Variants in FHL2 observed in about 807,000 individuals in gnomAD.
FHL2 encodes four and a half LIM domains 2.
In FHL2, 20 loss-of-function variants were observed where a neutral mutation model predicts 32.7. The observed-to-expected ratio is 0.61, with a 90% CI of 0.43 to 0.89. FHL2 has a LOEUF of 0.89. FHL2 is among the 40% of genes least tolerant of loss of function. FHL2 has a pLI of 0.00. For missense variants in FHL2, 311 were observed against 358.6 expected (o/e 0.87, Z 1.07); for synonymous variants, 123 against 128.1 (o/e 0.96, Z 0.27).
chr2:105,425,138 T>G (rs1684220062), intron 1 of FHL2, among the ~76,000 whole-genome samples: 1 of 152,194 alleles, frequency 6.6e-6, no homozygotes, highest in Non-Finnish European at 1.5e-5. Flanking sequence ...TTTGCTGAGA[T>G]GTTGTTAATT....
chr2:105,357,825 T>G (rs565075625), downstream of FHL2: 1 of 152,326 alleles, frequency 6.6e-6, no homozygotes, highest in African/African-American at 2.4e-5. Context: ...TAAATATGAT[T>G]TCCTTTAGTT....
rs766070936 is a variant in FHL2, at chr2:105,373,714, C to T, written c.176G>A (p.Arg59Gln). Residue 59 changes from arginine (R) to glutamine (Q), a missense_variant, in exon 4 of 7, where the codon CGG (arginine) becomes CAG (glutamine). By Grantham distance (43) the Arg-to-Gln change is conservative. Transcript: ENST00000530340. ...GTGGAAACAGGCTTCATGCCAGTGC[C>T]GGTCCTTGTAAGACAAGTCCTGTGG... ...CDCKDLSYKD[R>Q]HWHEACFHCS... The T allele has an allele frequency of 6.8e-6, 11 of 1,614,036 alleles. No individual in the cohort carries two copies. Among genetic ancestry groups the T allele is most frequent in the East Asian group, 2.2e-5 (1 of 44,876 alleles).
At chr2:105,423,331 T>C (rs10496392) in intron 1 of FHL2, among the ~76,000 whole-genome samples, 6,135 of 152,342 alleles carry the variant, frequency 0.04, 402 homozygotes, top group African/African-American at 0.14. Flanking sequence ...ACTCTAACAA[T>C]AGTCCTTTAC....
At position 105,373,631 on chromosome 2, in the gene FHL2, G is replaced by T; in HGVS notation, c.259C>A (p.Leu87Met). The change falls in exon 4 of 7, where the codon CTG becomes ATG. Residue 87 changes from leucine (L) to methionine (M), a missense_variant. Transcript: ENST00000530340. ...DKPFAAKEDQ[L>M]LCTDCYSNEY... is the part of the protein sequence containing the mutation. ...TTGGAATAGCAGTCTGTACAGAGCA[G>T]CTGGTCCTCCTTGGCAGCAAAGGGC... 6.2e-7 allele frequency: 1 copy of T among 1,614,232 alleles called. No homozygotes were observed. Among genetic ancestry groups the T allele is most frequent in the South Asian group, 1.1e-5 (1 of 91,080 alleles).
chr2:105,406,026 A>G (rs145384373), intron 1 of FHL2, among the ~76,000 whole-genome samples: 2 of 152,342 alleles, frequency 1.3e-5, no homozygotes, highest in East Asian at 3.9e-4. Flanking sequence ...TGTGTGATGA[A>G]AACCTATGCT....
At chr2:105,375,372 A>T (rs1007760475) in intron 3 of FHL2, 11 of 152,250 alleles carry the variant, frequency 7.2e-5, no homozygotes, top group African/African-American at 2.7e-4. Flanking sequence ...GCTTCCTAGA[A>T]CATCTGGGAA....
At chr2:105,387,189 A>G (rs966461613) in intron 2 of FHL2, among the ~76,000 whole-genome samples, 1 of 152,216 alleles carries the variant, frequency 6.6e-6, no homozygotes, top group African/African-American at 2.4e-5. Context: ...CCGGCCTTGC[A>G]TCTTCCCCTT....
chr2:105,383,840 A>G (rs1682090492), intron 3 of FHL2, among the ~76,000 whole-genome samples: 1 of 152,254 alleles, frequency 6.6e-6, no homozygotes, highest in South Asian at 2.1e-4. Flanking sequence ...CCCAAATGCC[A>G]AGGTCTCGCT....
intron 5 of FHL2, among the ~76,000 whole-genome samples, chr2:105,364,144 T>C (rs1680474714): frequency 6.6e-6 from 1 of 152,108 alleles, no homozygotes; most frequent in Non-Finnish European, 1.5e-5. Context: ...TATTCCCAGC[T>C]ACTCAGGAGG....
chr2:105,427,986 A>G (rs1411422019), intron 1 of FHL2, among the ~76,000 whole-genome samples: 2 of 152,254 alleles, frequency 1.3e-5, no homozygotes, highest in Non-Finnish European at 2.9e-5. Context: ...TTGCTTTGTC[A>G]CAAAAACACA....
intron 6 of FHL2, chr2:105,363,030 C>A: frequency 6.5e-6 from 3 of 462,070 alleles, no homozygotes; most frequent in South Asian, 3.3e-5. Context: ...GATAATCCAA[C>A]CCAAAGCAGA....
At chr2:105,413,880 G>A (rs561992290) in intron 1 of FHL2, among the ~76,000 whole-genome samples, 7 of 152,228 alleles carry the variant, frequency 4.6e-5, no homozygotes, top group Admixed American at 4.6e-4. Flanking sequence ...TTCTGCAAAC[G>A]ATTCTCTAGA....
At chr2:105,433,382 G>A (rs34119400) in intron 1 of FHL2, among the ~76,000 whole-genome samples, 22,758 of 151,948 alleles carry the variant, frequency 0.15, 1,863 homozygotes, top group African/African-American at 0.18. Flanking sequence ...GGGTTTCCCC[G>A]TGCTGGCCAG....
intron 3 of FHL2, among the ~76,000 whole-genome samples, chr2:105,380,190 G>A (rs1336694391): frequency 6.6e-6 from 1 of 152,182 alleles, no homozygotes; most frequent in Non-Finnish European, 1.5e-5. Flanking sequence ...GTCTCAGCAG[G>A]AGGGAAGATT....
chr2:105,364,376 G>A (rs1366683155), intron 5 of FHL2, among the ~76,000 whole-genome samples: 1 of 152,190 alleles, frequency 6.6e-6, no homozygotes, highest in Non-Finnish European at 1.5e-5. Context: ...AAGGACAGCC[G>A]GGACTAGCAC....
At chr2:105,369,010 G>A (rs945481149) in intron 4 of FHL2, among the ~76,000 whole-genome samples, 2 of 152,200 alleles carry the variant, frequency 1.3e-5, no homozygotes, top group African/African-American at 2.4e-5. Flanking sequence ...GCCGAGTAGT[G>A]TGCAGCTGTG....
intron 1 of FHL2, among the ~76,000 whole-genome samples, chr2:105,421,195 G>A (rs1558731005): frequency 6.6e-6 from 1 of 152,210 alleles, no homozygotes; most frequent in Non-Finnish European, 1.5e-5. Flanking sequence ...TCGTCACTGG[G>A]TTCTCTCTGG....
At chr2:105,430,852 C>T (rs1171831205) in intron 1 of FHL2, among the ~76,000 whole-genome samples, 4 of 152,330 alleles carry the variant, frequency 2.6e-5, no homozygotes, top group East Asian at 1.9e-4. Flanking sequence ...TCAGAGCAGA[C>T]AGGCCTTGCT....
upstream of FHL2, chr2:105,399,415 G>T: frequency 6.5e-7 from 1 of 1,536,164 alleles, no homozygotes; most frequent in African/African-American, 1.4e-5. Flanking sequence ...CCCAGGACGT[G>T]CCGGGGGAGG....
Sources: allele counts gnomAD v4.1 joint callset (sites outside exome capture counted in the v4.1 genomes callset), GRCh38; gene constraint gnomAD v4.1.1; transcripts MANE v1.5; gene names NCBI Gene and HGNC (gene_info 2026-07-23, HGNC 2026-07-21).